PCDHA2: variants seen among roughly 807,000 people sequenced by gnomAD.
The protein encoded by PCDHA2 is protocadherin alpha 2.
PCDHA2 carries 58 observed loss-of-function variants against 66.0 expected under a neutral mutation model. The observed-to-expected ratio is 0.88, with a 90% CI of 0.71 to 1.09. The LOEUF is 1.09. Among genes scored for constraint, PCDHA2 ranks in the 50% least tolerant of loss-of-function variants. The pLI, the probability that PCDHA2 is intolerant of heterozygous loss-of-function variation, is 0.00. For synonymous variants in PCDHA2, 634 were observed against 554.0 expected (o/e 1.14, Z -2.03); for missense variants, 1,267 against 1,242.3 (o/e 1.02, Z -0.30).
chr5:140,832,848 G>A (rs968087130), intron 1 of PCDHA2, among the ~76,000 whole-genome samples: 3 of 152,162 alleles, frequency 2.0e-5, no homozygotes, highest in Admixed American at 6.6e-5. Flanking sequence ...GAAGGAGACC[G>A]TGAAGAGTCA....
intron 1 of PCDHA2, chr5:140,843,831 T>C: frequency 8.9e-7 from 1 of 1,120,120 alleles, no homozygotes; most frequent in Non-Finnish European, 1.3e-6. Context: ...TAAACATTGT[T>C]TAGTTTTTAG....
intron 1 of PCDHA2, chr5:140,871,565 G>A: frequency 3.4e-6 from 5 of 1,483,114 alleles, no homozygotes; most frequent in South Asian, 1.4e-5. Context: ...TTTTTTTCAC[G>A]GATTTTTTAA....
At chr5:140,996,129 G>A (rs190965499) in intron 3 of PCDHA2, among the ~76,000 whole-genome samples, 1 of 152,210 alleles carries the variant, frequency 6.6e-6, no homozygotes, top group Non-Finnish European at 1.5e-5. Flanking sequence ...TGGTGTAGAG[G>A]GTTCTCCCAT....
intron 1 of PCDHA2, among the ~76,000 whole-genome samples, chr5:140,915,602 C>T (rs1298727977): frequency 6.6e-6 from 1 of 151,066 alleles, no homozygotes; most frequent in Non-Finnish European, 1.5e-5. Context: ...TTTTCCCTTA[C>T]TTTCTGTCAA....
At position 140,797,148 on chromosome 5, in the gene PCDHA2, C is replaced by T. The variant is rs149807221; in HGVS notation, c.2184C>T (p.Thr728=). The T allele has an allele frequency of 2.0e-4, 324 of 1,613,966 alleles. 2 individuals carry two copies. In the African/African-American group the frequency reaches 3.5e-3, roughly 17 times the overall value. Reference sequence around the variant, plus strand: ...CGCTGCGGTGCTCGGTGCCACCCACCGAGGGTGCGCGCGCGCCAGGAAAGC... The same window carrying T: ...CGCTGCGGTGCTCGGTGCCACCCACTGAGGGTGCGCGCGCGCCAGGAAAGC... ...YTALRCSVPP[T]EGARAPGKPT... is the part of the protein sequence containing the mutation. The change falls in exon 1 of 4, where the codon ACC becomes ACT. Residue 728 remains threonine, a synonymous_variant. Transcript: ENST00000526136.
At chr5:140,895,341 T>C (rs996566433) in intron 1 of PCDHA2, among the ~76,000 whole-genome samples, 5 of 152,186 alleles carry the variant, frequency 3.3e-5, no homozygotes, top group African/African-American at 1.2e-4. Flanking sequence ...TGTTTTACTA[T>C]GCTTTCCAGT....
intron 1 of PCDHA2, chr5:140,803,967 T>G (rs1440432130): frequency 3.1e-6 from 1 of 323,410 alleles, no homozygotes; most frequent in Non-Finnish European, 5.6e-6. Context: ...TTTTGCCACT[T>G]TTCATTTGGA....
intron 1 of PCDHA2, chr5:140,836,159 G>A (rs2150254425): frequency 6.2e-7 from 1 of 1,613,838 alleles, no homozygotes. Context: ...ATGTGGTGGC[G>A]AAGGTACGTG....
intron 1 of PCDHA2, chr5:140,810,004 A>G (rs1369624194): frequency 1.3e-5 from 2 of 155,054 alleles, no homozygotes; most frequent in African/African-American, 2.4e-5. Context: ...CACTTCCCTT[A>G]TTTTTCCTCC....
chr5:140,995,113 A>T (rs560699104), intron 3 of PCDHA2, among the ~76,000 whole-genome samples: 1 of 152,370 alleles, frequency 6.6e-6, no homozygotes, highest in East Asian at 1.9e-4. Flanking sequence ...CAAGACCCTC[A>T]GTGGATGCCT....
intron 1 of PCDHA2, among the ~76,000 whole-genome samples, chr5:140,872,454 C>T (rs1410815153): frequency 1.3e-5 from 2 of 152,062 alleles, no homozygotes; most frequent in Non-Finnish European, 2.9e-5. Context: ...TAGCGAGATC[C>T]TGTCTCTATA....
chr5:140,802,764 C>T (rs1581654740), intron 1 of PCDHA2: 2 of 1,612,940 alleles, frequency 1.2e-6, no homozygotes, highest in Non-Finnish European at 1.7e-6. Context: ...GCTGCAGCCG[C>T]TGGACCACGA....
Position 140,841,407 on chromosome 5 carries a change from G to A in PCDHA2, c.2388+44055G>A, listed in dbSNP as rs2150314809. On this transcript the variant is annotated intron_variant, in intron 1 of 3. Transcript: ENST00000526136. ...CTCGCAGCCTGGAAGGTGGGGAGCG[G>A]CCAGCTCCACTACTCCGTCCCCGAG... 14 of 1,613,104 alleles carry A rather than the reference G, an allele frequency of 8.7e-6. No individual in the cohort carries two copies. In the South Asian group the frequency reaches 1.5e-4, roughly 18 times the overall value.
rs2150469499 is a variant in PCDHA2 at position 140,850,144 on chromosome 5, C to T, written c.2388+52792C>T. 59 of 1,595,512 alleles carry T rather than the reference C, an allele frequency of 3.7e-5. 6 individuals carry two copies. Among genetic ancestry groups the T allele is most frequent in the Non-Finnish European group, 4.5e-5 (53 of 1,167,848 alleles). On this transcript the variant is annotated intron_variant, in intron 1 of 3. Coordinates refer to ENST00000526136, the MANE Select transcript of PCDHA2 (RefSeq NM_018905.3). ...GTGCCGCCTCTGGGCAGCAACGTGA[C>T]GCTGCAGGTGTTCGTGCTGGACGAG... is the stretch of plus-strand genomic sequence containing the variant.
chr5:141,005,000 G>A (rs2098192261), intron 3 of PCDHA2, among the ~76,000 whole-genome samples: 1 of 152,176 alleles, frequency 6.6e-6, no homozygotes, highest in Non-Finnish European at 1.5e-5. Context: ...GGTCTCCTAA[G>A]CCCTGAGAGC....
At chr5:140,886,651 C>T (rs1427441330) in intron 1 of PCDHA2, among the ~76,000 whole-genome samples, 4 of 151,902 alleles carry the variant, frequency 2.6e-5, no homozygotes, top group Non-Finnish European at 4.4e-5. Context: ...CATGGTGAAA[C>T]CCTGTCTCTA....
In PCDHA2 at chr5:140,875,833, G is replaced by A. The variant is rs782436615; in HGVS notation, c.2388+78481G>A. 1 of 1,614,220 alleles carries A rather than the reference G, an allele frequency of 6.2e-7. No homozygotes were observed. Among genetic ancestry groups the A allele is most frequent in the Non-Finnish European group, 8.5e-7 (1 of 1,180,044 alleles). On this transcript the variant is annotated intron_variant, in intron 1 of 3. Coordinates refer to ENST00000526136, the MANE Select transcript of PCDHA2 (RefSeq NM_018905.3). ...GCCGCTGCAGGTTTTCCATGTGGAC[G>A]TGGAGGTGAAGGACATTAACGACAA...
chr5:140,824,248 A>G (rs2150133568), intron 1 of PCDHA2: 39 of 1,434,746 alleles, frequency 2.7e-5, no homozygotes, highest in Non-Finnish European at 3.8e-5. Flanking sequence ...TGTGGTACAC[A>G]ATTATTGCAC....
At chr5:140,989,105 T>A (rs550881823) in intron 3 of PCDHA2, 1 of 152,350 alleles carries the variant, frequency 6.6e-6, no homozygotes, top group Non-Finnish European at 1.5e-5. Context: ...GAAACAACTT[T>A]TGAATATATC....
Sources: gnomAD v4.1 joint callset for allele counts (sites outside exome capture counted in the v4.1 genomes callset) on GRCh38, gnomAD v4.1.1 for gene constraint, MANE v1.5 for transcripts, NCBI Gene and HGNC (gene_info 2026-07-23, HGNC 2026-07-21) for gene names.